DUSP16: variants seen among roughly 807,000 people sequenced by gnomAD.
DUSP16 encodes the protein dual specificity protein phosphatase 16.
A neutral mutation model predicts 58.3 loss-of-function variants in DUSP16; 21 were observed. The observed-to-expected ratio is 0.36, with a 90% CI of 0.26 to 0.52. DUSP16 has a LOEUF of 0.52. Ranked by LOEUF, DUSP16 falls within the 20% of genes least tolerant of loss-of-function variation. The probability of loss-of-function intolerance (pLI) is 0.94; values close to 1 mark genes in which losing one functional copy is unlikely to be tolerated. For synonymous variants in DUSP16, 320 were observed against 323.8 expected (o/e 0.99, Z 0.12); for missense variants, 726 against 819.0 (o/e 0.89, Z 1.39).
In DUSP16 at chr12:12,475,686, G is replaced by GA. The variant is rs559114739; in HGVS notation, c.*1146_*1147insT. The GA allele has an allele frequency of 1.3e-4, 20 of 152,288 alleles. No homozygotes were observed. In the East Asian group the frequency reaches 3.9e-3, roughly 29 times the overall value. The allele number at this position is 152,288 out of a possible 1,614,324, so 9.4% of individuals were successfully genotyped here. A position where few individuals can be genotyped will look rare whatever the true frequency, so the allele number is the denominator to read the frequency against. ...GGGGATAAAAGCCACTAAGGAAACAGGTTTCCTGCTTCTCCTCAGCAATTT... is the reference window on the plus strand; with the variant it reads ...GGGGATAAAAGCCACTAAGGAAACAGAGTTTCCTGCTTCTCCTCAGCAATTT... On this transcript the variant is annotated 3_prime_UTR_variant, in exon 7 of 7. Transcript: ENST00000298573.
chr12:12,512,796 T>C (rs1944098114), intron 3 of DUSP16, among the ~76,000 whole-genome samples: 2 of 152,334 alleles, frequency 1.3e-5, no homozygotes, highest in Admixed American at 6.5e-5. Context: ...ATACTTTTAC[T>C]GAAATCCATT....
At chr12:12,506,477 A>T (rs1943999189) in intron 3 of DUSP16, among the ~76,000 whole-genome samples, 1 of 152,142 alleles carries the variant, frequency 6.6e-6, no homozygotes, top group Admixed American at 6.5e-5. Context: ...TCTTGAAAAA[A>T]TTTGCGCCTA....
At chr12:12,526,988 A>C (rs1215017136) in intron 1 of DUSP16, among the ~76,000 whole-genome samples, 1 of 152,118 alleles carries the variant, frequency 6.6e-6, no homozygotes, top group East Asian at 1.9e-4. Context: ...CATTTTAAAC[A>C]TTTTCTTTTA....
At chr12:12,540,954 T>C (rs866064782) in intron 1 of DUSP16, among the ~76,000 whole-genome samples, 140 of 62,186 alleles carry the variant, frequency 2.3e-3, no homozygotes, top group Admixed American at 4.7e-3. Context: ...CTTTTCTTTT[T>C]TTTTTTTTTT....
intron 1 of DUSP16, among the ~76,000 whole-genome samples, chr12:12,561,525 AC>A (rs1193828742): frequency 6.6e-6 from 1 of 152,228 alleles, no homozygotes; most frequent in Admixed American, 6.5e-5. Flanking sequence ...TAAAGAAGTC[AC>A]TAGGCGTCGG....
chr12:12,559,862 C>CT (rs1944869179), intron 1 of DUSP16, among the ~76,000 whole-genome samples: 1 of 152,150 alleles, frequency 6.6e-6, no homozygotes, highest in South Asian at 2.1e-4. Context: ...CTCTTCCCCC[C>CT]TCCCATCTCA....
chr12:12,511,031 ACTTAT>A (rs1944070625), intron 3 of DUSP16, among the ~76,000 whole-genome samples: 1 of 152,206 alleles, frequency 6.6e-6, no homozygotes, highest in Non-Finnish European at 1.5e-5. Flanking sequence ...AAATTTTGTA[ACTTAT>A]CTTAAGAGCA....
chr12:12,556,579 TA>T (rs879917488), intron 1 of DUSP16, among the ~76,000 whole-genome samples: 276 of 142,488 alleles, frequency 1.9e-3, no homozygotes, highest in South Asian at 2.0e-3. Context: ...CATCTTTAAT[TA>T]AAAAAAAAAA....
intron 4 of DUSP16, among the ~76,000 whole-genome samples, chr12:12,490,688 C>T (rs1228947832): frequency 6.6e-6 from 1 of 152,158 alleles, no homozygotes; most frequent in African/African-American, 2.4e-5. Flanking sequence ...TCTACCACTT[C>T]TACTTTTCAT....
At chr12:12,501,063 G>T (rs1943901949) in intron 3 of DUSP16, among the ~76,000 whole-genome samples, 1 of 152,068 alleles carries the variant, frequency 6.6e-6, no homozygotes, top group Admixed American at 6.5e-5. Context: ...AGCAGAATGG[G>T]GATGTAAGAA....
At chr12:12,482,487 C>T (rs1240026370) in intron 5 of DUSP16, among the ~76,000 whole-genome samples, 1 of 152,050 alleles carries the variant, frequency 6.6e-6, no homozygotes, top group Non-Finnish European at 1.5e-5. Flanking sequence ...CAGCATGCAT[C>T]TTGGGAGACA....
chr12:12,540,480 G>C (rs923612087), intron 1 of DUSP16, among the ~76,000 whole-genome samples: 1 of 152,182 alleles, frequency 6.6e-6, no homozygotes, highest in African/African-American at 2.4e-5. Context: ...GGTCTAACTT[G>C]TGCTTCCTTC....
chr12:12,522,815 C>T (rs970283263), intron 1 of DUSP16, among the ~76,000 whole-genome samples: 3 of 152,168 alleles, frequency 2.0e-5, no homozygotes, highest in Non-Finnish European at 4.4e-5. Context: ...CCACCTGTCT[C>T]AGCCTCCCAA....
At chr12:12,523,626 A>G (rs1042496555) in intron 1 of DUSP16, among the ~76,000 whole-genome samples, 9 of 152,214 alleles carry the variant, frequency 5.9e-5, no homozygotes, top group Admixed American at 2.0e-4. Flanking sequence ...TACAAAAGTC[A>G]TCTCTATTTT....
chr12:12,481,295 T>A (rs959359854), intron 5 of DUSP16, among the ~76,000 whole-genome samples: 2 of 152,198 alleles, frequency 1.3e-5, no homozygotes, highest in African/African-American at 2.4e-5. Context: ...GCTGAGGGGC[T>A]TAACAATATG....
intron 1 of DUSP16, among the ~76,000 whole-genome samples, chr12:12,531,460 T>C (rs1247463164): frequency 1.3e-5 from 2 of 152,306 alleles, no homozygotes; most frequent in African/African-American, 4.8e-5. Context: ...CCCAGCACTT[T>C]TTCCCAGAAT....
chr12:12,492,872 A>C (rs1592172136), intron 4 of DUSP16, among the ~76,000 whole-genome samples: 1 of 152,182 alleles, frequency 6.6e-6, no homozygotes, highest in Admixed American at 6.5e-5. Context: ...TCCTCCTGGA[A>C]AACACGTTGT....
intron 3 of DUSP16, among the ~76,000 whole-genome samples, chr12:12,509,206 A>G (rs934158400): frequency 1.3e-5 from 2 of 152,234 alleles, no homozygotes; most frequent in African/African-American, 2.4e-5. Context: ...TAGGTAGGAG[A>G]GCCAGAGTCA....
intron 1 of DUSP16, among the ~76,000 whole-genome samples, chr12:12,550,134 A>G (rs1313287062): frequency 6.6e-6 from 1 of 152,060 alleles, no homozygotes; most frequent in African/African-American, 2.4e-5. Context: ...TTAGCTAGGC[A>G]TGATGGAGGG....
Sources: gnomAD v4.1 joint callset for allele counts (sites outside exome capture counted in the v4.1 genomes callset) on GRCh38, gnomAD v4.1.1 for gene constraint, MANE v1.5 for transcripts, NCBI Gene and HGNC (gene_info 2026-07-23, HGNC 2026-07-21) for gene names.